Variants in SLC13A3 observed in about 807,000 individuals in gnomAD.
The protein encoded by SLC13A3 is Na(+)/dicarboxylate cotransporter 3.
SLC13A3 carries 40 observed loss-of-function variants against 59.0 expected under a neutral mutation model. The observed-to-expected ratio is 0.68, with a 90% CI of 0.53 to 0.88. The LOEUF (loss-of-function observed/expected upper bound fraction) is 0.88. Ranked by LOEUF, SLC13A3 falls within the 40% of genes least tolerant of loss-of-function variation. The pLI is 0.00. For synonymous variants in SLC13A3, 317 were observed against 330.3 expected (o/e 0.96, Z 0.44); for missense variants, 699 against 783.2 (o/e 0.89, Z 1.28).
chr20:46,632,414 C>G (rs1383201431), intron 1 of SLC13A3, among the ~76,000 whole-genome samples: 1 of 151,148 alleles, frequency 6.6e-6, no homozygotes, highest in Non-Finnish European at 1.5e-5. Flanking sequence ...GACGGCCTCA[C>G]AGAATCACCA....
chr20:46,560,887 T>C (rs537226799), intron 12 of SLC13A3, among the ~76,000 whole-genome samples: 1 of 152,330 alleles, frequency 6.6e-6, no homozygotes, highest in Non-Finnish European at 1.5e-5. Flanking sequence ...CGCCTTCACA[T>C]AGCCCAGGCT....
intron 3 of SLC13A3, among the ~76,000 whole-genome samples, chr20:46,608,181 G>C (rs1049418703): frequency 6.6e-6 from 1 of 152,206 alleles, no homozygotes; most frequent in Non-Finnish European, 1.5e-5. Context: ...CCCACCGCCT[G>C]TTTTTGTGTG....
At chr20:46,577,273 G>T (rs1474782220) in intron 9 of SLC13A3, among the ~76,000 whole-genome samples, 2 of 125,558 alleles carry the variant, frequency 1.6e-5, no homozygotes, top group Non-Finnish European at 3.5e-5. Context: ...GTCCACAAGT[G>T]TATGCAGCCC....
At position 46,559,277 on chromosome 20, in the gene SLC13A3, G is replaced by A. The variant is rs562072400; in HGVS notation, c.*745C>T. 1 of 152,324 alleles carries A rather than the reference G, an allele frequency of 6.6e-6. No individual in the cohort carries two copies. The highest frequency in any genetic ancestry group is 2.1e-4 in the South Asian group (1 of 4,824). 9.4% of individuals were successfully genotyped at this position (152,324 alleles called of 1,614,324 possible). A position where few individuals can be genotyped will look rare whatever the true frequency, so the allele number is the denominator to read the frequency against. On this transcript the variant is annotated 3_prime_UTR_variant, in exon 13 of 13. Coordinates refer to ENST00000279027, the MANE Select transcript of SLC13A3 (RefSeq NM_022829.6). ...AGGACCCAGGCCTGGCCTGACCCCAGAATTATGGCCAAACTGACCCAGATG... is the reference window on the plus strand; with the variant it reads ...AGGACCCAGGCCTGGCCTGACCCCAAAATTATGGCCAAACTGACCCAGATG...
chr20:46,592,573 C>A, intron 5 of SLC13A3, 44 bp from the exon 6 acceptor site: 1 of 1,608,812 alleles, frequency 6.2e-7, no homozygotes, highest in South Asian at 1.1e-5. Context: ...GGCAGCCATG[C>A]CCATTTTGGG....
chr20:46,653,083 C>T (rs565381819), upstream of SLC13A3, among the ~76,000 whole-genome samples: 8 of 152,214 alleles, frequency 5.3e-5, no homozygotes, highest in South Asian at 1.7e-3. Context: ...TGTCATTTGC[C>T]TGTTTTCTAC....
intron 9 of SLC13A3, among the ~76,000 whole-genome samples, chr20:46,581,447 C>T (rs539749559): frequency 2.5e-4 from 38 of 152,242 alleles, no homozygotes; most frequent in Non-Finnish European, 4.1e-4. Flanking sequence ...ACCCACTGGG[C>T]AAAGAGAAGT....
intron 1 of SLC13A3, among the ~76,000 whole-genome samples, chr20:46,661,285 T>C (rs16991719): frequency 0.023 from 3,466 of 152,170 alleles, 216 homozygotes; most frequent in Admixed American, 0.11. Flanking sequence ...ACCGATAGAG[T>C]ATGGAATTAA....
rs1287404954 is a variant in SLC13A3 at position 46,651,380 on chromosome 20, C to G, written c.42G>C (p.Ala14=). ...TGAACAGCAGCACCAGCAGCCGCCG[C>G]GCGCTCCACACCTTCTTGGCCGCTG... ...LAAAAKKVWS[A]RRLLVLLFTP... The change falls in exon 1 of 13, where the codon GCG becomes GCC. Residue 14 remains alanine (A), a synonymous_variant. Coordinates refer to ENST00000279027, the MANE Select transcript of SLC13A3 (RefSeq NM_022829.6). 2 of 1,509,338 alleles carry G rather than the reference C, an allele frequency of 1.3e-6. No individual in the cohort carries two copies. Among genetic ancestry groups the G allele is most frequent in the Non-Finnish European group, 1.8e-6 (2 of 1,132,912 alleles). The allele number at this position is 1,509,338 out of a possible 1,614,324, so 93.5% of individuals were successfully genotyped here.
intron 9 of SLC13A3, among the ~76,000 whole-genome samples, chr20:46,580,561 A>T (rs971745550): frequency 6.6e-6 from 1 of 152,026 alleles, no homozygotes; most frequent in African/African-American, 2.4e-5. Context: ...ACTCAATTGT[A>T]ACCCCTGATC....
chr20:46,608,727 C>G (rs1283163624), intron 3 of SLC13A3: 2 of 875,892 alleles, frequency 2.3e-6, no homozygotes, highest in Non-Finnish European at 3.3e-6. Flanking sequence ...TTAACAGATA[C>G]GTATTTAATT....
intron 1 of SLC13A3, among the ~76,000 whole-genome samples, chr20:46,635,691 C>A (rs1249209983): frequency 1.3e-5 from 2 of 152,168 alleles, no homozygotes; most frequent in Non-Finnish European, 2.9e-5. Context: ...GAGGCTGAGA[C>A]CTGCTGGGCT....
intron 1 of SLC13A3, among the ~76,000 whole-genome samples, chr20:46,617,304 C>G (rs1005829718): frequency 1.3e-5 from 2 of 152,146 alleles, no homozygotes; most frequent in African/African-American, 4.8e-5. Context: ...AAGACATAGC[C>G]TAAATTTTTA....
chr20:46,585,309 C>T, intron 8 of SLC13A3: 1 of 993,716 alleles, frequency 1.0e-6, no homozygotes, highest in Non-Finnish European at 1.2e-6. Flanking sequence ...GTGATGATCT[C>T]TGGGCAGTGG....
chr20:46,626,107 C>G (rs1600579153), intron 1 of SLC13A3, among the ~76,000 whole-genome samples: 1 of 151,194 alleles, frequency 6.6e-6, no homozygotes. Flanking sequence ...TTCTCTCTCT[C>G]TCTCTCTCTC....
chr20:46,601,200 A>C (rs528367703), intron 3 of SLC13A3, among the ~76,000 whole-genome samples: 1 of 152,312 alleles, frequency 6.6e-6, no homozygotes, highest in East Asian at 1.9e-4. Flanking sequence ...TTAATGCCCA[A>C]GACGATATGA....
At chr20:46,632,538 C>T (rs1305176701) in intron 1 of SLC13A3, among the ~76,000 whole-genome samples, 3 of 151,732 alleles carry the variant, frequency 2.0e-5, no homozygotes, top group Non-Finnish European at 4.4e-5. Flanking sequence ...GGTTATAATC[C>T]GGACCTGATG....
intron 1 of SLC13A3, among the ~76,000 whole-genome samples, chr20:46,630,020 A>T (rs1019860377): frequency 7.9e-5 from 12 of 152,152 alleles, no homozygotes; most frequent in African/African-American, 2.9e-4. Flanking sequence ...GTTGGAGGAA[A>T]GTGTGGGGAA....
chr20:46,578,916 C>T (rs2062106581), intron 9 of SLC13A3, among the ~76,000 whole-genome samples: 1 of 151,960 alleles, frequency 6.6e-6, no homozygotes, highest in Non-Finnish European at 1.5e-5. Flanking sequence ...TCATCATCAT[C>T]ATCATCATCA....
Sources: allele counts gnomAD v4.1 joint callset (sites outside exome capture counted in the v4.1 genomes callset), GRCh38; gene constraint gnomAD v4.1.1; transcripts MANE v1.5; gene names NCBI Gene and HGNC (gene_info 2026-07-23, HGNC 2026-07-21).